CFAP91: variants seen among roughly 807,000 people sequenced by gnomAD.
The protein encoded by CFAP91 is cilia- and flagella-associated protein 91.
In CFAP91, 85 loss-of-function variants were observed where a neutral mutation model predicts 95.9. The ratio of observed to expected loss-of-function variants is 0.89; its 90% CI spans 0.74 to 1.06. The LOEUF (loss-of-function observed/expected upper bound fraction) is 1.06, where lower values mean the gene tolerates loss of function less well. CFAP91 is among the 50% of genes least tolerant of loss of function. CFAP91 has a pLI of 0.00. For synonymous variants in CFAP91, 335 were observed against 327.5 expected, an observed-to-expected ratio of 1.02 and a Z score of -0.25; for missense variants, 962 against 943.4, an observed-to-expected ratio of 1.02 and a Z score of -0.26.
chr3:119,730,444 C>T, intron 8 of CFAP91, 67 bp downstream of exon 8: 3 of 1,476,092 alleles, frequency 2.0e-6, no homozygotes, highest in South Asian at 2.5e-5. Flanking sequence ...TTTGACCAAA[C>T]CTGACTTAAC....
In CFAP91 at chr3:119,726,366, C is replaced by T. The variant is rs1376450396; in HGVS notation, c.860+18C>T. 1 of 1,598,714 alleles carries T rather than the reference C, an allele frequency of 6.3e-7. No homozygotes were observed. The highest frequency in any genetic ancestry group is 1.3e-5 in the African/African-American group (1 of 74,428). On this transcript the variant is annotated intron_variant, in intron 7 of 17. Transcript: ENST00000273390. The stretch of plus-strand genomic sequence containing the variant: ...ATTGAAAAGTAGGTTCTCTATCACC[C>T]AGACAACTGTTCCTGCACTGGTGGG...
intron 17 of CFAP91, among the ~76,000 whole-genome samples, chr3:119,761,700 T>C (rs2054540818): frequency 6.6e-6 from 1 of 151,898 alleles, no homozygotes; most frequent in Non-Finnish European, 1.5e-5. Flanking sequence ...AATCTATAAA[T>C]GTGATATACC....
Position 119,703,201 on chromosome 3 carries a change from C to A in CFAP91, c.103C>A (p.Arg35=). 6.2e-7 allele frequency: 1 copy of A among 1,612,054 alleles called. No individual in the cohort carries two copies. Among genetic ancestry groups the A allele is most frequent in the East Asian group, 2.2e-5 (1 of 44,846 alleles). The change falls in exon 1 of 18, where the codon CGA becomes AGA. Residue 35 remains arginine, a synonymous_variant. Transcript: ENST00000273390. ...SRAGSHISSN[R]AYDFLYDPLF... Reference sequence around the variant, plus strand: ...GGCTGGGAGCCACATCTCCTCCAATCGAGCGTATGATTTTCTGTACGGTAA... The same window carrying A: ...GGCTGGGAGCCACATCTCCTCCAATAGAGCGTATGATTTTCTGTACGGTAA...
chr3:119,713,459 G>T, intron 5 of CFAP91, among the ~76,000 whole-genome samples: 1 of 148,084 alleles, frequency 6.8e-6, no homozygotes. Context: ...TGTATTTGCT[G>T]TGCTCGTATA....
chr3:119,705,366 C>G (rs1228627316), intron 1 of CFAP91, among the ~76,000 whole-genome samples: 1 of 152,188 alleles, frequency 6.6e-6, no homozygotes, highest in South Asian at 2.1e-4. Context: ...TTATGAAGCC[C>G]TATGTGATTA....
At chr3:119,739,981 A>G (rs2054085447) in intron 12 of CFAP91, among the ~76,000 whole-genome samples, 1 of 152,228 alleles carries the variant, frequency 6.6e-6, no homozygotes, top group South Asian at 2.1e-4. Flanking sequence ...ACTTCACTTA[A>G]AAAATGGACT....
Position 119,750,976 on chromosome 3 carries a change from A to G in CFAP91, c.2183A>G (p.Gln728Arg), listed in dbSNP as rs769399105. 1.9e-6 allele frequency: 3 copies of G among 1,614,046 alleles called. No individual in the cohort carries two copies. The highest frequency in any genetic ancestry group is 2.7e-5 in the African/African-American group (2 of 75,048). Residue 728 changes from glutamine (Q) to arginine (R), a missense_variant, in exon 17 of 18, where the codon CAG becomes CGG. Transcript: ENST00000273390. ...CGGAAACATATTCTTGCAGCCCATC[A>G]GATCATCCACAGTTACACGGAAAGC... ...AQRKHILAAHQIIHSYTESMV... is the reference protein window; with the variant it reads ...AQRKHILAAHRIIHSYTESMV...
chr3:119,732,821 A>AT (rs1397910284), intron 9 of CFAP91, among the ~76,000 whole-genome samples: 1 of 152,256 alleles, frequency 6.6e-6, no homozygotes, highest in Non-Finnish European at 1.5e-5. Flanking sequence ...TTATAAAGAA[A>AT]TGTCAAAAAA....
intron 8 of CFAP91, among the ~76,000 whole-genome samples, chr3:119,731,392 A>C (rs2053894444): frequency 6.6e-6 from 1 of 152,222 alleles, no homozygotes; most frequent in Admixed American, 6.5e-5. Flanking sequence ...ATGTTTAGTG[A>C]ACTTAAATTT....
intron 6 of CFAP91, among the ~76,000 whole-genome samples, chr3:119,718,427 A>G (rs1176909040): frequency 6.6e-6 from 1 of 152,222 alleles, no homozygotes; most frequent in Non-Finnish European, 1.5e-5. Context: ...GTAGAACAAG[A>G]TAAAAGAAAA....
chr3:119,734,937 A>G (rs1329725890), intron 10 of CFAP91, among the ~76,000 whole-genome samples: 1 of 152,172 alleles, frequency 6.6e-6, no homozygotes, highest in Non-Finnish European at 1.5e-5. Context: ...TTTAACCACT[A>G]CTGCAATTTC....
At chr3:119,752,077 A>G (rs149168508) in intron 17 of CFAP91, among the ~76,000 whole-genome samples, 2 of 152,198 alleles carry the variant, frequency 1.3e-5, no homozygotes, top group Non-Finnish European at 2.9e-5. Context: ...TAAAATTCTC[A>G]TGAGAAGGGG....
intron 7 of CFAP91, among the ~76,000 whole-genome samples, chr3:119,728,925 A>G (rs550150740): frequency 3.3e-5 from 5 of 152,290 alleles, no homozygotes; most frequent in African/African-American, 7.2e-5. Context: ...TCTTATGCCT[A>G]TTCCACCAGA....
intron 6 of CFAP91, among the ~76,000 whole-genome samples, chr3:119,718,995 C>T (rs185618410): frequency 2.2e-3 from 333 of 151,812 alleles, no homozygotes; most frequent in African/African-American, 7.7e-3. Context: ...AAACTCACAG[C>T]AGCATTAATT....
At chr3:119,733,864 T>C (rs1265460615) in intron 10 of CFAP91, among the ~76,000 whole-genome samples, 7 of 152,208 alleles carry the variant, frequency 4.6e-5, no homozygotes, top group African/African-American at 1.7e-4. Flanking sequence ...GTTCATGTGA[T>C]CAGGGCATAT....
intron 13 of CFAP91, among the ~76,000 whole-genome samples, chr3:119,741,055 T>C (rs907281404): frequency 6.6e-6 from 1 of 152,190 alleles, no homozygotes; most frequent in African/African-American, 2.4e-5. Flanking sequence ...TTTCGCCATA[T>C]TGGCCAGGCT....
At chr3:119,722,869 A>G (rs749274144) in intron 6 of CFAP91, among the ~76,000 whole-genome samples, 9 of 152,206 alleles carry the variant, frequency 5.9e-5, no homozygotes, top group Non-Finnish European at 1.3e-4. Context: ...CAAGGGATTT[A>G]TGGTGAAAAG....
intron 9 of CFAP91, 135 bp from the exon 10 acceptor site, chr3:119,733,229 T>C (rs2107889074): frequency 1.3e-6 from 1 of 787,084 alleles, no homozygotes; most frequent in East Asian, 2.7e-5. Flanking sequence ...GGACACTTCA[T>C]TCTATTATAT....
Position 119,732,482 on chromosome 3 carries a change from C to A in CFAP91, c.1201+6C>A. On this transcript the variant is annotated splice_donor_region_variant and intron_variant, in intron 9 of 17. Coordinates refer to ENST00000273390, the MANE Select transcript of CFAP91 (RefSeq NM_033364.4). ...CTATCTCAACACCTATGAAGGTAAGCAATTTACATAATTAGAAATCCAGTA... is the reference window on the plus strand; with the variant it reads ...CTATCTCAACACCTATGAAGGTAAGAAATTTACATAATTAGAAATCCAGTA... The A allele has an allele frequency of 1.3e-6, 2 of 1,536,590 alleles. No individual in the cohort carries two copies. The highest frequency in any genetic ancestry group is 1.8e-6 in the Non-Finnish European group (2 of 1,137,912).
Sources: allele counts gnomAD v4.1 joint callset (sites outside exome capture counted in the v4.1 genomes callset), GRCh38; gene constraint gnomAD v4.1.1; transcripts MANE v1.5; gene names NCBI Gene and HGNC (gene_info 2026-07-23, HGNC 2026-07-21).